Variants in GAPVD1 observed in about 807,000 individuals in gnomAD.
GAPVD1 encodes the protein GTPase activating protein and VPS9 domains 1.
In GAPVD1, 35 loss-of-function variants were observed where a neutral mutation model predicts 155.5. The ratio of observed to expected loss-of-function variants is 0.23; its 90% CI spans 0.17 to 0.30. GAPVD1 has a LOEUF of 0.30. GAPVD1 is among the 10% of genes least tolerant of loss of function. GAPVD1 has a pLI of 1.00. For missense variants in GAPVD1, 1,429 were observed against 1,775.7 expected, an observed-to-expected ratio of 0.80 and a Z score of 3.51; for synonymous variants, 636 against 619.7, an observed-to-expected ratio of 1.03 and a Z score of -0.39.
rs1220453798 is a variant in GAPVD1, at chr9:125,366,784, A to G, written c.*4038A>G. The G allele has an allele frequency of 6.6e-6, 1 of 152,174 alleles. No individual in the cohort carries two copies. The highest frequency in any genetic ancestry group is 6.5e-5 in the Admixed American group (1 of 15,268). 9.4% of individuals were successfully genotyped at this position (152,174 alleles called of 1,614,324 possible). A position where few individuals can be genotyped will look rare whatever the true frequency, so the allele number is the denominator to read the frequency against. On this transcript the variant is annotated 3_prime_UTR_variant, in exon 28 of 28. Transcript: ENST00000297933. ...TAGTAGGACAAGGAATAGCTTTATT[A>G]CTCTTGAGAACACTTGGATAAATGA...
intron 26 of GAPVD1, among the ~76,000 whole-genome samples, chr9:125,360,086 A>G (rs2132683219): frequency 6.6e-6 from 1 of 152,332 alleles, no homozygotes; most frequent in Admixed American, 6.5e-5. Flanking sequence ...ACAATGGTAC[A>G]TATTTTTAAA....
At chr9:125,263,844 C>CG (rs1035650098) in intron 1 of GAPVD1, 11 of 1,218,260 alleles carry the variant, frequency 9.0e-6, no homozygotes, top group African/African-American at 6.0e-5. Flanking sequence ...GTACAGTCTC[C>CG]GGGGGGCAGA....
At chr9:125,273,918 G>A (rs1835317400) in intron 2 of GAPVD1, among the ~76,000 whole-genome samples, 1 of 151,654 alleles carries the variant, frequency 6.6e-6, no homozygotes, top group African/African-American at 2.4e-5. Context: ...AAGGCTGAGA[G>A]CTCTTTTCTT....
intron 20 of GAPVD1, among the ~76,000 whole-genome samples, chr9:125,348,007 G>A (rs1000682553): frequency 5.3e-5 from 8 of 151,924 alleles, no homozygotes; most frequent in Admixed American, 2.6e-4. Context: ...GCCACGTTCC[G>A]CCATATATAG....
intron 25 of GAPVD1, 80 bp from the exon 26 acceptor site, chr9:125,359,340 T>A: frequency 1.2e-6 from 1 of 822,088 alleles, no homozygotes; most frequent in Non-Finnish European, 2.1e-6. Flanking sequence ...TTCACGTGTT[T>A]TGTAAAAATC....
chr9:125,318,041 C>T (rs574309505), intron 9 of GAPVD1, among the ~76,000 whole-genome samples: 1 of 152,158 alleles, frequency 6.6e-6, no homozygotes, highest in South Asian at 2.1e-4. Context: ...ACACCCAGCA[C>T]TTTGGGAGGC....
At chr9:125,269,800 C>G (rs1452968612) in intron 2 of GAPVD1, among the ~76,000 whole-genome samples, 1 of 149,336 alleles carries the variant, frequency 6.7e-6, no homozygotes, top group African/African-American at 2.5e-5. Context: ...TTACTGCAAC[C>G]TCTGCCTTCC....
At chr9:125,317,841 T>C (rs1010339184) in intron 9 of GAPVD1, among the ~76,000 whole-genome samples, 2 of 151,900 alleles carry the variant, frequency 1.3e-5, no homozygotes, top group African/African-American at 4.8e-5. Context: ...AGGAACCATA[T>C]AGAAATTCTG....
chr9:125,360,864 CAA>C, intron 27 of GAPVD1, 139 bp downstream of exon 27: 1 of 657,200 alleles, frequency 1.5e-6, no homozygotes, highest in Non-Finnish European at 2.7e-6. Flanking sequence ...TGCCTAATGT[CAA>C]GATTTGTTCT....
At chr9:125,280,054 C>G (rs896791371) in intron 2 of GAPVD1, among the ~76,000 whole-genome samples, 1 of 149,992 alleles carries the variant, frequency 6.7e-6, no homozygotes, top group Non-Finnish European at 1.5e-5. Context: ...TGAGCCGCTG[C>G]GCTGGCCAAA....
At chr9:125,348,086 A>G (rs139229479) in intron 20 of GAPVD1, among the ~76,000 whole-genome samples, 3,243 of 152,016 alleles carry the variant, frequency 0.021, 86 homozygotes, top group African/African-American at 0.071. Flanking sequence ...CAGTCTCACT[A>G]TGTCACCCAG....
chr9:125,359,103 C>G (rs1850545572), intron 25 of GAPVD1, among the ~76,000 whole-genome samples: 1 of 152,162 alleles, frequency 6.6e-6, no homozygotes. Context: ...CCCCCCTCTC[C>G]TTTTCCTCTA....
At chr9:125,272,167 G>T (rs1331575147) in intron 2 of GAPVD1, among the ~76,000 whole-genome samples, 1 of 152,056 alleles carries the variant, frequency 6.6e-6, no homozygotes, top group Non-Finnish European at 1.5e-5. Context: ...GGGATTACAG[G>T]CGCCTGCCAC....
intron 10 of GAPVD1, 50 bp from the exon 11 acceptor site, chr9:125,323,748 G>A: frequency 3.1e-6 from 5 of 1,597,944 alleles, no homozygotes; most frequent in Non-Finnish European, 4.3e-6. Context: ...ATTGTGTGGT[G>A]GCTCATGACT....
At position 125,359,549 on chromosome 9, in the gene GAPVD1, C is replaced by T. The variant is rs1850626905; in HGVS notation, c.4044+57C>T. ...TAACTAAATGCTGCGTGTTATTATACCATATAATGTTACCACGTGTTCAAG... is the reference window on the plus strand; with the variant it reads ...TAACTAAATGCTGCGTGTTATTATATCATATAATGTTACCACGTGTTCAAG... On this transcript the variant is annotated intron_variant, in intron 26 of 27. Transcript: ENST00000297933. 7.4e-5 allele frequency: 63 copies of T among 845,918 alleles called. 1 individual carries two copies. In the South Asian group the frequency reaches 8.6e-4, roughly 12 times the overall value. The allele number at this position is 845,918 out of a possible 1,614,324, so 52.4% of individuals were successfully genotyped here.
intron 15 of GAPVD1, among the ~76,000 whole-genome samples, chr9:125,333,882 T>C (rs117346405): frequency 0.013 from 1,973 of 152,328 alleles, 104 homozygotes; most frequent in East Asian, 0.088. Context: ...AATTCTTTGT[T>C]GTGGGGGCCT....
chr9:125,288,968 A>G (rs1838161463), intron 2 of GAPVD1, among the ~76,000 whole-genome samples: 1 of 152,236 alleles, frequency 6.6e-6, no homozygotes, highest in African/African-American at 2.4e-5. Flanking sequence ...AAAGACCTAA[A>G]GGAAGTAAGA....
At chr9:125,347,453 C>T (rs551290966) in intron 20 of GAPVD1, among the ~76,000 whole-genome samples, 22 of 152,188 alleles carry the variant, frequency 1.4e-4, no homozygotes, top group South Asian at 1.0e-3. Flanking sequence ...GGGCTGAGCA[C>T]GGTGGCTCAC....
At position 125,337,337 on chromosome 9, in the gene GAPVD1, G is replaced by A. The variant is rs1400685613; in HGVS notation, c.2623G>A (p.Gly875Ser). 1.2e-6 allele frequency: 2 copies of A among 1,614,162 alleles called. No individual in the cohort carries two copies. The highest frequency in any genetic ancestry group is 2.2e-5 in the East Asian group (1 of 44,878). ...AAATGAGGCCAGGTTGCCAAACTTT[G>A]GTTCCCATGTTTTAACTCCAGCTGA... is the stretch of plus-strand genomic sequence containing the variant. ...GGNEARLPNFGSHVLTPAEME... is the reference protein window; with the variant it reads ...GGNEARLPNFSSHVLTPAEME... Residue 875 changes from glycine to serine, a missense_variant, in exon 17 of 28, where the codon GGT becomes AGT. Gly to Ser is a moderately conservative substitution (Grantham distance 56). This residue lies in a region of GAPVD1 where 699 missense variants were observed against 826.0 expected (regional missense o/e 0.85). Transcript: ENST00000297933.
Sources: gnomAD v4.1 joint callset for allele counts (sites outside exome capture counted in the v4.1 genomes callset) on GRCh38, gnomAD v4.1.1 for gene constraint, gnomAD v4.1.1 regional missense constraint, MANE v1.5 for transcripts, NCBI Gene and HGNC (gene_info 2026-07-23, HGNC 2026-07-21) for gene names.